The following ANXA6 variants were observed in gnomAD, a reference collection of about 807,000 sequenced individuals.
ANXA6 encodes 67 kDa calelectrin.
Under a neutral mutation model 95.4 loss-of-function variants are expected in ANXA6, and 71 were observed. That is an observed-to-expected ratio of 0.74 (90% CI 0.61 to 0.91). The LOEUF is 0.91. ANXA6 is among the 40% of genes least tolerant of loss of function. The probability of loss-of-function intolerance (pLI) is 0.00; values close to 1 mark genes in which losing one functional copy is unlikely to be tolerated. For missense variants in ANXA6, 830 were observed against 876.4 expected (o/e 0.95, Z 0.67); for synonymous variants, 289 against 315.9 (o/e 0.91, Z 0.90).
At chr5:151,133,813 G>A (rs749579204) in intron 8 of ANXA6, among the ~76,000 whole-genome samples, 5 of 152,130 alleles carry the variant, frequency 3.3e-5, no homozygotes, top group Non-Finnish European at 4.4e-5. Context: ...GATGCCCCCA[G>A]GCACAGTTCT....
At chr5:151,130,239 CT>C (rs34929843) in intron 11 of ANXA6, among the ~76,000 whole-genome samples, 11 of 144,758 alleles carry the variant, frequency 7.6e-5, no homozygotes, top group Non-Finnish European at 1.1e-4. Flanking sequence ...TTTTCTTTTT[CT>C]TTTTTTTTTG....
chr5:151,104,965 T>A (rs1764655389), intron 24 of ANXA6, among the ~76,000 whole-genome samples: 1 of 152,184 alleles, frequency 6.6e-6, no homozygotes, highest in Admixed American at 6.5e-5. Flanking sequence ...ATCCCTGTTC[T>A]GTCCCCACCA....
At chr5:151,135,250 G>A (rs939573925) in intron 7 of ANXA6, among the ~76,000 whole-genome samples, 11 of 152,162 alleles carry the variant, frequency 7.2e-5, no homozygotes, top group Admixed American at 5.9e-4. Context: ...CTTACAATGT[G>A]TGCCGCGCTG....
chr5:151,101,860 T>G (rs137895418), intron 25 of ANXA6, among the ~76,000 whole-genome samples: 157 of 152,250 alleles, frequency 1.0e-3, no homozygotes, highest in African/African-American at 3.2e-3. Flanking sequence ...CCAATCCCAT[T>G]TGCCAGCAGG....
intron 23 of ANXA6, among the ~76,000 whole-genome samples, chr5:151,108,000 GTATA>G (rs749431008): frequency 2.0e-5 from 3 of 151,894 alleles, no homozygotes; most frequent in South Asian, 2.1e-4. Flanking sequence ...GCATGTATGT[GTATA>G]TATAATGTGT....
At chr5:151,114,613 TAAA>T (rs61407672) in intron 20 of ANXA6, among the ~76,000 whole-genome samples, 2,757 of 69,862 alleles carry the variant, frequency 0.039, 44 homozygotes, top group Non-Finnish European at 0.057. Context: ...GACTCCGTCT[TAAA>T]AAAAAAAAAA....
intron 18 of ANXA6, 109 bp downstream of exon 18, chr5:151,119,191 T>C: frequency 1.1e-6 from 1 of 889,538 alleles, no homozygotes. Context: ...CCTCAAGGAC[T>C]GAGGGAAAGG....
rs754890137 is a variant in ANXA6, at chr5:151,137,369, C to T, written c.319-48G>A. ...TGAATTAAGGGCAGGGATGGGAGGTCACTGGACACAGGTTGGGATCAGGGA... is the reference window on the plus strand; with the variant it reads ...TGAATTAAGGGCAGGGATGGGAGGTTACTGGACACAGGTTGGGATCAGGGA... On this transcript the variant is annotated intron_variant, in intron 5 of 25. Coordinates refer to ENST00000354546, the MANE Select transcript of ANXA6 (RefSeq NM_001155.5). The T allele has an allele frequency of 2.0e-6, 3 of 1,502,708 alleles. No individual in the cohort carries two copies. The South Asian group carries it at 3.5e-5, about 18-fold the overall frequency. The allele number at this position is 1,502,708 out of a possible 1,614,324, so 93.1% of individuals were successfully genotyped here.
chr5:151,136,749 G>C (rs1765674554), intron 6 of ANXA6, among the ~76,000 whole-genome samples: 1 of 152,184 alleles, frequency 6.6e-6, no homozygotes, highest in African/African-American at 2.4e-5. Context: ...GTGTGATCCT[G>C]CCCTGTCCTC....
At position 151,109,763 on chromosome 5, in the gene ANXA6, G is replaced by A. The variant is rs974508422; in HGVS notation, c.1674C>T (p.His558=). 5 of 1,609,704 alleles carry A rather than the reference G, an allele frequency of 3.1e-6. No individual in the cohort carries two copies. The highest frequency in any genetic ancestry group is 1.7e-4 in the Middle Eastern group (1 of 5,962). ...GAGGTCAGGCCTCACCTCTCCGGAG[G>A]TGCGGATAGCTCCGGGTACACAGGA... is the stretch of plus-strand genomic sequence containing the variant. ...MTILCTRSYP[H]LRRVFQEFIK... Residue 558 remains histidine, a synonymous_variant, in exon 22 of 26, where the codon CAC becomes CAT. Transcript: ENST00000354546.
intron 22 of ANXA6, among the ~76,000 whole-genome samples, chr5:151,109,472 CT>C (rs764616900): frequency 1.9e-4 from 29 of 152,318 alleles, no homozygotes; most frequent in Non-Finnish European, 3.5e-4. Context: ...TAGGCAGCTA[CT>C]ACCAATCAGA....
At chr5:151,154,687 G>A (rs6893416) in intron 1 of ANXA6, among the ~76,000 whole-genome samples, 1,957 of 152,300 alleles carry the variant, frequency 0.013, 31 homozygotes, top group African/African-American at 0.037. Flanking sequence ...CCAGCTTGAC[G>A]ACTGGGGTTT....
intron 17 of ANXA6, among the ~76,000 whole-genome samples, chr5:151,121,171 G>T (rs1561572521): frequency 6.6e-6 from 1 of 152,174 alleles, no homozygotes; most frequent in African/African-American, 2.4e-5. Flanking sequence ...AGCACTACTG[G>T]TTTTATGCGG....
At chr5:151,147,063 G>A (rs187842497) in intron 2 of ANXA6, among the ~76,000 whole-genome samples, 64 of 152,250 alleles carry the variant, frequency 4.2e-4, no homozygotes, top group Non-Finnish European at 7.1e-4. Context: ...GAGAGTCACC[G>A]TGCCCAGCCT....
chr5:151,100,958 G>A lies in ANXA6; in HGVS notation c.*490C>T, dbSNP rs537905210. On this transcript the variant is annotated 3_prime_UTR_variant, in exon 26 of 26. Transcript: ENST00000354546. ...CAAATTCCTGGTCCAGTACTCTAGC[G>A]CGGCCTGGATGGAGATGGGTGGTGA... 2.0e-4 allele frequency: 92 copies of A among 456,860 alleles called. No individual in the cohort carries two copies. The highest frequency in any genetic ancestry group is 3.5e-4 in the Admixed American group (15 of 42,592). 28.3% of individuals were successfully genotyped at this position (456,860 alleles called of 1,614,324 possible). A position where few individuals can be genotyped will look rare whatever the true frequency, so the allele number is the denominator to read the frequency against.
At chr5:151,156,572 G>A (rs1362801475) in intron 1 of ANXA6, among the ~76,000 whole-genome samples, 6 of 152,130 alleles carry the variant, frequency 3.9e-5, no homozygotes, top group East Asian at 3.8e-4. Context: ...GGAAAAGGGC[G>A]GACTCTTGGG....
At chr5:151,110,902 A>T (rs1408724433) in intron 20 of ANXA6, among the ~76,000 whole-genome samples, 1 of 152,206 alleles carries the variant, frequency 6.6e-6, no homozygotes, top group African/African-American at 2.4e-5. Context: ...GTTCACTTGA[A>T]GGGTAAGAGA....
chr5:151,106,359 G>A (rs1046132571), intron 23 of ANXA6, among the ~76,000 whole-genome samples: 4 of 152,154 alleles, frequency 2.6e-5, no homozygotes, highest in African/African-American at 7.2e-5. Flanking sequence ...GACGGCAAGA[G>A]GCTGGAGTTG....
Position 151,110,890 on chromosome 5 carries a change from G to A in ANXA6, c.1573-246C>T, listed in dbSNP as rs529569118. 3.2e-4 allele frequency among the ~76,000 whole-genome samples: 49 copies of A among 152,132 alleles called. 1 individual carries two copies. The highest frequency in any genetic ancestry group is 5.3e-4 in the Non-Finnish European group (36 of 68,026). Reference sequence around the variant, plus strand: ...GATAGGCCTGGCAATAACTAAAAACGTGTTCACTTGAAGGGTAAGAGAAAG... The same window carrying A: ...GATAGGCCTGGCAATAACTAAAAACATGTTCACTTGAAGGGTAAGAGAAAG... On this transcript the variant is annotated intron_variant, in intron 20 of 25. Coordinates refer to ENST00000354546, the MANE Select transcript of ANXA6 (RefSeq NM_001155.5).
Sources: allele counts gnomAD v4.1 joint callset (sites outside exome capture counted in the v4.1 genomes callset), GRCh38; gene constraint gnomAD v4.1.1; transcripts MANE v1.5; gene names NCBI Gene and HGNC (gene_info 2026-07-23, HGNC 2026-07-21).